Variants in VWA3A observed in about 807,000 individuals in gnomAD.
The protein encoded by VWA3A is von Willebrand factor A domain-containing protein 3A.
VWA3A carries 134 observed loss-of-function variants against 160.4 expected under a neutral mutation model. The observed-to-expected ratio is 0.84, with a 90% confidence interval of 0.73 to 0.96. VWA3A has a LOEUF of 0.96. VWA3A is among the 40% of genes least tolerant of loss of function. The probability of loss-of-function intolerance (pLI) is 0.00; values close to 1 mark genes in which losing one functional copy is unlikely to be tolerated. For missense variants in VWA3A, 1,310 were observed against 1,447.9 expected (o/e 0.90, Z 1.55); for synonymous variants, 476 against 543.4 (o/e 0.88, Z 1.72).
chr16:22,125,052 CT>C (rs1428478029), intron 16 of VWA3A, among the ~76,000 whole-genome samples: 1 of 152,014 alleles, frequency 6.6e-6, no homozygotes, highest in African/African-American at 2.4e-5. Flanking sequence ...CCTTATGTTA[CT>C]TGCTCACCTG....
rs751187435 is a variant in VWA3A, at chr16:22,148,315, C to T, written c.2984+9C>T. The stretch of plus-strand genomic sequence containing the variant: ...CGGAAGTGCTGTGACAGGTAGGAGG[C>T]GAGGGCTGATCAGGAAGATCAAAGG... On this transcript the variant is annotated intron_variant, in intron 28 of 33. Coordinates refer to ENST00000389398, the MANE Select transcript of VWA3A (RefSeq NM_173615.5). The T allele has an allele frequency of 1.0e-5, 16 of 1,587,514 alleles. No homozygotes were observed. Among genetic ancestry groups the T allele is most frequent in the East Asian group, 2.3e-5 (1 of 43,694 alleles).
At chr16:22,154,314 T>C (rs955999901) in intron 31 of VWA3A, among the ~76,000 whole-genome samples, 1 of 146,334 alleles carries the variant, frequency 6.8e-6, no homozygotes, top group Non-Finnish European at 1.5e-5. Context: ...CTTCCTCTTT[T>C]TTCTTTTTCT....
At chr16:22,115,761 C>T (rs748716027) in intron 9 of VWA3A, among the ~76,000 whole-genome samples, 85 of 149,438 alleles carry the variant, frequency 5.7e-4, no homozygotes, top group Admixed American at 2.4e-3. Context: ...TGATTAAGCC[C>T]AGGAGTTTAA....
rs1328565789 is a variant in VWA3A at position 22,097,561 on chromosome 16, A to T, written c.102-11A>T. ...GCTGGGGCATTGATCAAATTACTTT[A>T]TGTTTTGTAGCATTAGGAGAAACAC... On this transcript the variant is annotated splice_polypyrimidine_tract_variant and intron_variant, in intron 2 of 33. Transcript: ENST00000389398. 11 of 1,551,142 alleles carry T rather than the reference A, an allele frequency of 7.1e-6. No homozygotes were observed. In the Admixed American group the frequency reaches 2.2e-4, roughly 30 times the overall value.
At position 22,144,308 on chromosome 16, in the gene VWA3A, A is replaced by G. The variant is rs9937453; in HGVS notation, c.2654A>G (p.Asn885Ser). 326,446 of 1,613,282 alleles carry G rather than the reference A, an allele frequency of 0.2. 40,581 individuals are homozygous for G. Among genetic ancestry groups the G allele is most frequent in the East Asian group, 0.52 (23,153 of 44,830 alleles). ...KLEISRCMGP[N>S]CTHQKSGQRS... ...GAGATTTCCAGATGCATGGGTCCCA[A>G]CTGCACTCATCAAAAGTCAGGACAG... Residue 885 changes from asparagine to serine, a missense_variant, in exon 26 of 34, where the codon AAC becomes AGC. Physicochemically the swap from Asn to Ser is conservative, Grantham distance 46. Transcript: ENST00000389398.
chr16:22,133,756 G>T (rs894848702), intron 20 of VWA3A, among the ~76,000 whole-genome samples: 1 of 151,872 alleles, frequency 6.6e-6, no homozygotes, highest in East Asian at 1.9e-4. Flanking sequence ...AAGTTGAGGC[G>T]AGCGGATTGC....
intron 31 of VWA3A, among the ~76,000 whole-genome samples, chr16:22,154,887 G>A (rs892069022): frequency 7.5e-5 from 11 of 147,354 alleles, no homozygotes; most frequent in African/African-American, 2.8e-4. Context: ...CCGGGAAGCG[G>A]AGCTTGCAGT....
At chr16:22,118,255 T>C (rs1296635150) in intron 11 of VWA3A, among the ~76,000 whole-genome samples, 1 of 152,166 alleles carries the variant, frequency 6.6e-6, no homozygotes, top group Non-Finnish European at 1.5e-5. Flanking sequence ...CACTCTAGCC[T>C]GAGTGACAGA....
At chr16:22,097,490 T>C in intron 2 of VWA3A, 82 bp from the exon 3 acceptor site, 1 of 1,513,266 alleles carries the variant, frequency 6.6e-7, no homozygotes, top group Non-Finnish European at 8.9e-7. Context: ...TTGTAGGGAC[T>C]AGGGCAAAGA....
At chr16:22,151,866 C>T (rs2142030762) in intron 30 of VWA3A, among the ~76,000 whole-genome samples, 1 of 152,206 alleles carries the variant, frequency 6.6e-6, no homozygotes, top group East Asian at 1.9e-4. Context: ...ATATGTGTGT[C>T]CTTTACAGGC....
intron 25 of VWA3A, among the ~76,000 whole-genome samples, chr16:22,143,971 C>T (rs139354294): frequency 0.012 from 1,777 of 151,802 alleles, 34 homozygotes; most frequent in African/African-American, 0.04. Context: ...AACTCCTGAC[C>T]TCAGGAGTTT....
intron 30 of VWA3A, 144 bp from the exon 31 acceptor site, chr16:22,152,367 G>A (rs2046364026): frequency 1.9e-6 from 2 of 1,036,590 alleles, no homozygotes; most frequent in South Asian, 1.7e-5. Context: ...CTCTAATGGT[G>A]GTCTCCATGG....
At chr16:22,098,616 C>G (rs1328336692) in intron 3 of VWA3A, among the ~76,000 whole-genome samples, 1 of 152,168 alleles carries the variant, frequency 6.6e-6, no homozygotes, top group Non-Finnish European at 1.5e-5. Flanking sequence ...TCTTACCATT[C>G]TCTATGCAAA....
At chr16:22,103,427 A>G in intron 5 of VWA3A, 48 bp from the exon 6 acceptor site, 1 of 1,523,916 alleles carries the variant, frequency 6.6e-7, no homozygotes, top group Non-Finnish European at 8.9e-7. Context: ...GCTGTTGCTC[A>G]GTGATGACGC....
chr16:22,136,833 C>A (rs918518158), intron 21 of VWA3A, among the ~76,000 whole-genome samples: 2 of 151,530 alleles, frequency 1.3e-5, no homozygotes, highest in Non-Finnish European at 2.9e-5. Flanking sequence ...GAGATCGAGA[C>A]CATCCTGGCT....
At chr16:22,093,822 C>T (rs1382366539) in intron 1 of VWA3A, among the ~76,000 whole-genome samples, 2 of 152,046 alleles carry the variant, frequency 1.3e-5, no homozygotes, top group Non-Finnish European at 2.9e-5. Flanking sequence ...TGGAGTGCAG[C>T]GATGCGATCA....
chr16:22,118,857 G>A, intron 11 of VWA3A, 45 bp from the exon 12 acceptor site: 1 of 1,610,988 alleles, frequency 6.2e-7, no homozygotes, highest in South Asian at 1.1e-5. Flanking sequence ...ACCCCTGCAG[G>A]TAGTCAAGTG....
chr16:22,145,255 A>G (rs2046227242), intron 26 of VWA3A, among the ~76,000 whole-genome samples: 1 of 152,204 alleles, frequency 6.6e-6, no homozygotes, highest in Admixed American at 6.5e-5. Flanking sequence ...GGGTCATTCT[A>G]GCATGTTGCC....
chr16:22,103,978 G>T (rs376435577), intron 6 of VWA3A, among the ~76,000 whole-genome samples: 1 of 152,130 alleles, frequency 6.6e-6, no homozygotes, highest in Non-Finnish European at 1.5e-5. Flanking sequence ...ATAAAAGACA[G>T]GGGGGAAGGG....
Sources: allele counts gnomAD v4.1 joint callset (sites outside exome capture counted in the v4.1 genomes callset), GRCh38; gene constraint gnomAD v4.1.1; transcripts MANE v1.5; gene names NCBI Gene and HGNC (gene_info 2026-07-23, HGNC 2026-07-21).